The following EXD1 variants were observed in gnomAD, a reference collection of about 807,000 sequenced individuals.
EXD1 encodes the protein exonuclease 3'-5' domain containing 1.
EXD1 carries 63 observed loss-of-function variants against 49.1 expected under a neutral mutation model. The ratio of observed to expected loss-of-function variants is 1.28; its 90% confidence interval spans 1.05 to 1.58. EXD1 has a LOEUF of 1.58. EXD1 is among the 40% of genes most tolerant of loss of function. The pLI is 0.00. For missense variants in EXD1, 748 were observed against 666.0 expected (o/e 1.12, Z -1.36); for synonymous variants, 234 against 239.2 (o/e 0.98, Z 0.20).
intron 11 of EXD1, among the ~76,000 whole-genome samples, chr15:41,188,805 T>C (rs2046457065): frequency 2.4e-5 from 1 of 41,446 alleles, no homozygotes; most frequent in African/African-American, 1.8e-4. Context: ...TCTTTCTTCT[T>C]TTTTTTTTTT....
At chr15:41,220,634 C>T (rs1286232713) in intron 2 of EXD1, among the ~76,000 whole-genome samples, 3 of 152,214 alleles carry the variant, frequency 2.0e-5, no homozygotes, top group Non-Finnish European at 2.9e-5. Flanking sequence ...TCAAGGACAA[C>T]GATCCAAATC....
intron 7 of EXD1, among the ~76,000 whole-genome samples, chr15:41,197,875 G>A (rs541413994): frequency 1.2e-4 from 17 of 147,050 alleles, no homozygotes; most frequent in African/African-American, 3.9e-4. Context: ...ATCCACCCAC[G>A]TTGGCCTCCC....
intron 1 of EXD1, among the ~76,000 whole-genome samples, chr15:41,229,967 G>A (rs2047214118): frequency 6.6e-6 from 1 of 151,974 alleles, no homozygotes; most frequent in Non-Finnish European, 1.5e-5. Flanking sequence ...TCAGAATTCG[G>A]TTCTTCCTTA....
intron 7 of EXD1, among the ~76,000 whole-genome samples, chr15:41,207,156 G>A (rs1595444895): frequency 1.3e-5 from 2 of 150,046 alleles, no homozygotes; most frequent in Admixed American, 6.7e-5. Flanking sequence ...CAGGAGAATC[G>A]CTTGAACCTA....
rs772726337 is a variant in EXD1, at chr15:41,189,992, TCCAC to T, written c.997_1000del (p.Val333MetfsTer4). 1.9e-5 allele frequency: 31 copies of T among 1,614,034 alleles called. No individual in the cohort carries two copies. In the South Asian group the frequency reaches 3.4e-4, roughly 18 times the overall value. ...TTCGCGATACGTGTTTAGGTAACCA[TCCAC>T]CAGGGTGGTTAGGTCAGACATCATC... On this transcript the variant is annotated frameshift_variant, in exon 11 of 12. Transcript: ENST00000458580. LOFTEE classifies it high-confidence loss of function.
chr15:41,221,886 G>T (rs926555566), intron 2 of EXD1, among the ~76,000 whole-genome samples: 2 of 151,828 alleles, frequency 1.3e-5, no homozygotes, highest in Admixed American at 1.3e-4. Flanking sequence ...TGGATCATGA[G>T]GTCAGGAGTT....
intron 1 of EXD1, among the ~76,000 whole-genome samples, chr15:41,229,550 C>T (rs765741054): frequency 6.6e-6 from 1 of 152,120 alleles, no homozygotes; most frequent in Non-Finnish European, 1.5e-5. Context: ...GGGCAGATCA[C>T]CTGAGATACG....
At chr15:41,187,782 G>A (rs962256436) in intron 11 of EXD1, among the ~76,000 whole-genome samples, 11 of 152,074 alleles carry the variant, frequency 7.2e-5, no homozygotes, top group Admixed American at 2.0e-4. Flanking sequence ...CTGGGAGGCC[G>A]AGGCGGGTGG....
At chr15:41,204,793 T>A (rs1044916447) in intron 7 of EXD1, among the ~76,000 whole-genome samples, 2 of 151,948 alleles carry the variant, frequency 1.3e-5, no homozygotes, top group African/African-American at 4.8e-5. Flanking sequence ...TACACACACA[T>A]ATAGATAAAA....
chr15:41,196,007 C>A lies in EXD1; in HGVS notation c.565G>T (p.Asp189Tyr). The change falls in exon 8 of 12, where the codon GAC (aspartate) becomes TAC (tyrosine). Residue 189 changes from aspartate (D) to tyrosine (Y), a missense_variant. Transcript: ENST00000458580. ...VATNCRVYLF[D>Y]IFLLGSRAFH... Reference sequence around the variant, plus strand: ...GCTCGACTTCCCAGAAGGAAAATGTCAAATAAGTAAACTCGGCAATTTGTG... The same window carrying A: ...GCTCGACTTCCCAGAAGGAAAATGTAAAATAAGTAAACTCGGCAATTTGTG... The A allele has an allele frequency of 6.2e-7, 1 of 1,613,250 alleles. No homozygotes were observed. The highest frequency in any genetic ancestry group is 8.5e-7 in the Non-Finnish European group (1 of 1,179,780).
chr15:41,215,792 G>A lies in EXD1; in HGVS notation c.430C>T (p.Gln144Ter), dbSNP rs778348080. 29 of 1,613,856 alleles carry A rather than the reference G, an allele frequency of 1.8e-5. No homozygotes were observed. The South Asian group carries it at 2.3e-4, about 13-fold the overall frequency. The change falls in exon 6 of 12, where the codon CAG becomes TAG. Residue 144 changes from glutamine to a stop codon, truncating the protein, a stop_gained. Coordinates refer to ENST00000458580, the MANE Select transcript of EXD1 (RefSeq NM_001286441.2). LOFTEE classifies it high-confidence loss of function. ...VTYTVINQFQ[Q>*]KFGAAILHIK... ...ATACTTACCGCAGCACCAAACTTCT[G>A]CTGGAATTGATTAATGACTGTGTAT...
chr15:41,221,774 T>C (rs573622533), intron 2 of EXD1, among the ~76,000 whole-genome samples: 3 of 152,080 alleles, frequency 2.0e-5, no homozygotes, highest in Non-Finnish European at 4.4e-5. Flanking sequence ...GCATGGACTA[T>C]TCTTCTCAGC....
chr15:41,191,597 T>C lies in EXD1; in HGVS notation c.721-12A>G. ...AGTACATCTGCTACCTGTGGTATTT[T>C]AAAAAGACAAACAGACCAGTTGAAT... On this transcript the variant is annotated splice_polypyrimidine_tract_variant and intron_variant, in intron 9 of 11. Transcript: ENST00000458580. 6.2e-7 allele frequency: 1 copy of C among 1,612,906 alleles called. No individual in the cohort carries two copies. The highest frequency in any genetic ancestry group is 1.1e-5 in the South Asian group (1 of 90,892).
chr15:41,220,773 T>C (rs141059550), intron 2 of EXD1, among the ~76,000 whole-genome samples: 44 of 152,310 alleles, frequency 2.9e-4, no homozygotes, highest in African/African-American at 9.9e-4. Context: ...GCAGTCCAAA[T>C]AATTGAGTTC....
intron 7 of EXD1, among the ~76,000 whole-genome samples, chr15:41,200,325 C>G (rs923647433): frequency 2.0e-5 from 3 of 152,028 alleles, no homozygotes; most frequent in African/African-American, 7.2e-5. Flanking sequence ...CTGTTCGAGA[C>G]CAGCCTGACC....
intron 10 of EXD1, among the ~76,000 whole-genome samples, chr15:41,190,672 T>C (rs1481415345): frequency 2.0e-5 from 3 of 152,136 alleles, no homozygotes; most frequent in Non-Finnish European, 4.4e-5. Context: ...GGTTGGTCAA[T>C]CAAGACTTCT....
rs79529734 is a variant in EXD1, at chr15:41,205,036, T to C, written c.534+4465A>G. 3.7e-4 allele frequency among the ~76,000 whole-genome samples: 57 copies of C among 152,366 alleles called. No individual in the cohort carries two copies. In the East Asian group the frequency reaches 0.011, roughly 28 times the overall value. On this transcript the variant is annotated intron_variant, in intron 7 of 11. Coordinates refer to ENST00000458580, the MANE Select transcript of EXD1 (RefSeq NM_001286441.2). ...TTGTTCAATCATATTTCTCCATAGC[T>C]GTCCATACTTTGTTGAACCTAAACA...
chr15:41,220,304 T>A (rs967780656), intron 2 of EXD1, among the ~76,000 whole-genome samples: 10 of 152,052 alleles, frequency 6.6e-5, no homozygotes, highest in Non-Finnish European at 1.2e-4. Context: ...GGAGTCTCGT[T>A]CTGTCACGTA....
chr15:41,227,498 T>C lies in EXD1; in HGVS notation c.-53-870A>G, dbSNP rs566346573. ...CAGCCTGACCAACATGGAGAAACCC[T>C]GTCTTTACTAAAAATACAAAATTAG... On this transcript the variant is annotated intron_variant, in intron 1 of 11. Transcript: ENST00000458580. 6.3e-3 allele frequency among the ~76,000 whole-genome samples: 934 copies of C among 149,174 alleles called. 5 individuals are homozygous for C. Among genetic ancestry groups the C allele is most frequent in the Non-Finnish European group, 0.01 (676 of 67,058 alleles).
Sources: gnomAD v4.1 joint callset for allele counts (sites outside exome capture counted in the v4.1 genomes callset) on GRCh38, gnomAD v4.1.1 for gene constraint, MANE v1.5 for transcripts, NCBI Gene and HGNC (gene_info 2026-07-23, HGNC 2026-07-21) for gene names.